Variants in ESYT1 observed in about 807,000 individuals in gnomAD.
ESYT1 encodes the protein extended synaptotagmin-1.
Under a neutral mutation model 154.2 loss-of-function variants are expected in ESYT1, and 116 were observed. The observed-to-expected ratio is 0.75, with a 90% CI of 0.65 to 0.88. The LOEUF (loss-of-function observed/expected upper bound fraction) is 0.88. Among genes scored for constraint, ESYT1 ranks in the 40% least tolerant of loss-of-function variants. The probability of loss-of-function intolerance (pLI) is 0.00; values close to 1 mark genes in which losing one functional copy is unlikely to be tolerated. For missense variants in ESYT1, 1,264 were observed against 1,379.3 expected (o/e 0.92, Z 1.32); for synonymous variants, 500 against 539.9 (o/e 0.93, Z 1.02).
intron 15 of ESYT1, among the ~76,000 whole-genome samples, chr12:56,135,404 TCA>T (rs1870409308): frequency 6.6e-6 from 1 of 151,038 alleles, no homozygotes; most frequent in South Asian, 2.1e-4. Context: ...ACTCCCAACC[TCA>T]GGTGATCCGC....
rs977012307 is a variant in ESYT1 at position 56,143,429 on chromosome 12, T to C, written c.3225+96T>C. 1.3e-5 allele frequency: 20 copies of C among 1,494,216 alleles called. No individual in the cohort carries two copies. In the East Asian group the frequency reaches 4.3e-4, roughly 32 times the overall value. The allele number at this position is 1,494,216 out of a possible 1,614,324, so 92.6% of individuals were successfully genotyped here. A position where few individuals can be genotyped will look rare whatever the true frequency, so the allele number is the denominator to read the frequency against. On this transcript the variant is annotated intron_variant, in intron 29 of 30. Transcript: ENST00000394048. ...AGGAAGGAAGTACCCCACGTGATCC[T>C]TTAGAGGTGACTCACCTCTGCAATG... is the stretch of plus-strand genomic sequence containing the variant.
chr12:56,131,878 A>C, intron 7 of ESYT1, 74 bp downstream of exon 7: 1 of 1,459,364 alleles, frequency 6.9e-7, no homozygotes, highest in Non-Finnish European at 9.6e-7. Flanking sequence ...CAGAGCAGTC[A>C]AAGATGCTGC....
At chr12:56,131,204 AG>A (rs1227570155) in intron 4 of ESYT1, 39 bp from the exon 5 acceptor site, 1 of 1,613,918 alleles carries the variant, frequency 6.2e-7, no homozygotes, top group Admixed American at 1.7e-5. Context: ...ACTTCAGCCA[AG>A]GACTAACTCT....
rs149405596 is a variant in ESYT1, at chr12:56,132,491, T to C, written c.1055T>C (p.Ile352Thr). The change falls in exon 9 of 31, where the codon ATT (isoleucine) becomes ACT (threonine). Residue 352 changes from isoleucine (I) to threonine (T), a missense_variant. By Grantham distance (89) the Ile-to-Thr change is moderately conservative. Coordinates refer to ENST00000394048, the MANE Select transcript of ESYT1 (RefSeq NM_015292.3). Reference sequence around the variant, plus strand: ...AAGGACAAATATGTGAAGGGCCTGATTGAGGGCAAGTCAGACCCATATGCA... The same window carrying C: ...AAGGACAAATATGTGAAGGGCCTGACTGAGGGCAAGTCAGACCCATATGCA... ...SSKDKYVKGL[I>T]EGKSDPYALV... is the part of the protein sequence containing the mutation. 1.6e-4 allele frequency: 261 copies of C among 1,614,070 alleles called. 2 individuals carry two copies. The highest frequency in any genetic ancestry group is 5.0e-5 in the Non-Finnish European group (59 of 1,180,040).
chr12:56,142,433 A>G lies in ESYT1; in HGVS notation c.2733+8A>G, dbSNP rs1187882089. 9 of 1,610,820 alleles carry G rather than the reference A, an allele frequency of 5.6e-6. No individual in the cohort carries two copies. In the African/African-American group the frequency reaches 1.1e-4, roughly 19 times the overall value. On this transcript the variant is annotated splice_region_variant and intron_variant, in intron 25 of 30. Transcript: ENST00000394048. The surrounding 1 kb of genome is among the most constrained non-coding windows in gnomAD (Gnocchi z 4.1). ...CTGAGAGCACAGCTAGGGGTGAGTGACAGGAGATGGTGGGCAGGATGAGAG... is the reference window on the plus strand; with the variant it reads ...CTGAGAGCACAGCTAGGGGTGAGTGGCAGGAGATGGTGGGCAGGATGAGAG...
chr12:56,134,208 GGCCA>G (rs1232365408), intron 14 of ESYT1, 27 bp downstream of exon 14: 1 of 1,611,066 alleles, frequency 6.2e-7, no homozygotes, highest in Non-Finnish European at 8.5e-7. Context: ...CATTGTGGGT[GGCCA>G]GGTAGGACAG....
In ESYT1 at chr12:56,137,258, T is replaced by C. The variant is rs1241713294; in HGVS notation, c.1823T>C (p.Val608Ala). The C allele has an allele frequency of 6.2e-7, 1 of 1,614,214 alleles. No individual in the cohort carries two copies. The highest frequency in any genetic ancestry group is 8.5e-7 in the Non-Finnish European group (1 of 1,180,042). The stretch of plus-strand genomic sequence containing the variant: ...TCATCAGAAATATGCTTCCCCACGG[T>C]GCCTGGTTGTCCTGGTGCTTGGGAC... ...LDSSEICFPT[V>A]PGCPGAWDVD... Residue 608 changes from valine to alanine, a missense_variant, in exon 17 of 31, where the codon GTG becomes GCG. Physicochemically the swap from Val to Ala is moderately conservative, Grantham distance 64 (BLOSUM62 0). Coordinates refer to ENST00000394048, the MANE Select transcript of ESYT1 (RefSeq NM_015292.3).
chr12:56,137,574 G>C lies in ESYT1; in HGVS notation c.2014G>C (p.Gly672Arg). The C allele has an allele frequency of 1.2e-6, 2 of 1,614,140 alleles. No individual in the cohort carries two copies. Among genetic ancestry groups the C allele is most frequent in the Non-Finnish European group, 1.7e-6 (2 of 1,180,022 alleles). ...CCGTTTCTTGGGGGGACTGGTGAAG[G>C]GCAAGTCAGACCCCTATGTCAAACT... ...KDRFLGGLVK[G>R]KSDPYVKLKL... The change falls in exon 18 of 31, where the codon GGC (glycine) becomes CGC (arginine). Residue 672 changes from glycine (G) to arginine (R), a missense_variant. Transcript: ENST00000394048.
Position 56,131,537 on chromosome 12 carries a change from G to T in ESYT1, c.775G>T (p.Ala259Ser). The T allele has an allele frequency of 6.2e-7, 1 of 1,614,140 alleles. No homozygotes were observed. The highest frequency in any genetic ancestry group is 1.3e-5 in the African/African-American group (1 of 75,034). The change falls in exon 6 of 31, where the codon GCT becomes TCT. Residue 259 changes from alanine (A) to serine (S), a missense_variant. Transcript: ENST00000394048. ...CATTGGGGACCTTCCCTTCGTGGGGGCTGTGTCAATGTTCTTCATCCGACG... is the reference window on the plus strand; with the variant it reads ...CATTGGGGACCTTCCCTTCGTGGGGTCTGTGTCAATGTTCTTCATCCGACG... The part of the protein sequence containing the change: ...PLIGDLPFVG[A>S]VSMFFIRRPT...
rs145708223 is a variant in ESYT1, at chr12:56,132,553, G to T, written c.1117G>T (p.Val373Phe). The change falls in exon 9 of 31, where the codon GTC (valine) becomes TTC (phenylalanine). Residue 373 changes from valine (V) to phenylalanine (F), a missense_variant. Coordinates refer to ENST00000394048, the MANE Select transcript of ESYT1 (RefSeq NM_015292.3). The stretch of plus-strand genomic sequence containing the variant: ...GGGTACCCAGACATTCTGCAGTCGT[G>T]TCATTGATGAAGAACTCAACCCACA... ...RLGTQTFCSR[V>F]IDEELNPQWG... 4 of 1,614,224 alleles carry T rather than the reference G, an allele frequency of 2.5e-6. No homozygotes were observed. In the African/African-American group the frequency reaches 4.0e-5, roughly 16 times the overall value.
intron 1 of ESYT1, among the ~76,000 whole-genome samples, chr12:56,130,039 GGGT>G (rs1870167936): frequency 6.6e-6 from 1 of 151,966 alleles, no homozygotes; most frequent in South Asian, 2.1e-4. Flanking sequence ...TCAGCCTCCT[GGGT>G]AGCTGGGATT....
Position 56,138,771 on chromosome 12 carries a change from C to T in ESYT1, c.2437C>T (p.Arg813Ter), listed in dbSNP as rs1870570229. The change falls in exon 23 of 31, where the codon CGA becomes TGA. Residue 813 changes from arginine (R) to a stop codon, truncating the protein, a stop_gained. Transcript: ENST00000394048. LOFTEE classifies it high-confidence loss of function. ...YMERAEDLPL[R>*]KGTKHLSPYA... ...TAACACAGTATTGTCTTTCTAGCTG[C>T]GAAAAGGCACCAAGCACCTCAGCCC... 2.4e-5 allele frequency: 38 copies of T among 1,613,878 alleles called. No individual in the cohort carries two copies. Among genetic ancestry groups the T allele is most frequent in the Non-Finnish European group, 3.1e-5 (37 of 1,179,912 alleles).
chr12:56,131,174 C>T, intron 4 of ESYT1, 61 bp downstream of exon 4: 1 of 1,613,274 alleles, frequency 6.2e-7, no homozygotes. Flanking sequence ...GTCCAGGCTA[C>T]TTCACTCCCC....
intron 4 of ESYT1, 25 bp from the exon 5 acceptor site, chr12:56,131,219 G>A: frequency 1.2e-6 from 2 of 1,614,102 alleles, no homozygotes; most frequent in South Asian, 2.2e-5. Context: ...TAACTCTCTT[G>A]GTTCTCTTCT....
chr12:56,142,956 C>T lies in ESYT1; in HGVS notation c.2987+23C>T, dbSNP rs1870773390. On this transcript the variant is annotated intron_variant, in intron 27 of 30. Coordinates refer to ENST00000394048, the MANE Select transcript of ESYT1 (RefSeq NM_015292.3). This position sits in a 1 kb window ranked among gnomAD's most constrained non-coding sequence, Gnocchi z 4.1. ...CCGGTGAGACCCCATCCCTCCTGTC[C>T]TCCAGATCGCCTCCATCCCTTCCCT... The T allele has an allele frequency of 6.2e-6, 10 of 1,614,106 alleles. No individual in the cohort carries two copies. Among genetic ancestry groups the T allele is most frequent in the Non-Finnish European group, 8.5e-6 (10 of 1,180,020 alleles).
In ESYT1 at chr12:56,137,927, G is replaced by C. The variant is rs771130799; in HGVS notation, c.2198+13G>C. On this transcript the variant is annotated intron_variant, in intron 19 of 30. Coordinates refer to ENST00000394048, the MANE Select transcript of ESYT1 (RefSeq NM_015292.3). ...ATTTTCTGGGCAGGTGAGAGCATAGGAGTCTACGTGAAAAACAGGCTGGGG... is the reference window on the plus strand; with the variant it reads ...ATTTTCTGGGCAGGTGAGAGCATAGCAGTCTACGTGAAAAACAGGCTGGGG... 2.5e-6 allele frequency: 4 copies of C among 1,614,130 alleles called. No individual in the cohort carries two copies. Among genetic ancestry groups the C allele is most frequent in the Admixed American group, 3.3e-5 (2 of 60,026 alleles).
At position 56,138,858 on chromosome 12, in the gene ESYT1, G is replaced by T; in HGVS notation, c.2505+19G>T. On this transcript the variant is annotated intron_variant, in intron 23 of 30. Coordinates refer to ENST00000394048, the MANE Select transcript of ESYT1 (RefSeq NM_015292.3). The stretch of plus-strand genomic sequence containing the variant: ...AACCAAGGTATGAAGAAATGCTGCA[G>T]GGTAAAAATGGGAGGGATAAGAGAA... 1 of 1,613,024 alleles carries T rather than the reference G, an allele frequency of 6.2e-7. No homozygotes were observed. The highest frequency in any genetic ancestry group is 8.5e-7 in the Non-Finnish European group (1 of 1,178,984).
chr12:56,143,662 A>G (rs747812672), intron 30 of ESYT1, 33 bp downstream of exon 30: 18 of 1,613,876 alleles, frequency 1.1e-5, no homozygotes, highest in Non-Finnish European at 1.4e-5. Flanking sequence ...GATGGTCTGG[A>G]TATTTCAGTG....
At chr12:56,143,664 A>T (rs1175416389) in intron 30 of ESYT1, 35 bp downstream of exon 30, 1 of 1,613,706 alleles carries the variant, frequency 6.2e-7, no homozygotes, top group Admixed American at 1.7e-5. Context: ...TGGTCTGGAT[A>T]TTTCAGTGGG....
Sources: allele counts gnomAD v4.1 joint callset (sites outside exome capture counted in the v4.1 genomes callset), GRCh38; gene constraint gnomAD v4.1.1; non-coding constraint Gnocchi (gnomAD v3.1); transcripts MANE v1.5; gene names NCBI Gene and HGNC (gene_info 2026-07-23, HGNC 2026-07-21).